The following ATP2B1 variants were observed in gnomAD, a reference collection of about 807,000 sequenced individuals.
ATP2B1 encodes ATPase plasma membrane Ca2+ transporting 1.
In ATP2B1, 14 loss-of-function variants were observed where a neutral mutation model predicts 124.2. The ratio of observed to expected loss-of-function variants is 0.11; its 90% CI spans 0.07 to 0.18. The LOEUF is 0.18. Among genes scored for constraint, ATP2B1 ranks in the 10% least tolerant of loss-of-function variants. The pLI is 1.00. For missense variants in ATP2B1, 763 were observed against 1,466.1 expected (o/e 0.52, Z 7.83); for synonymous variants, 449 against 492.4 (o/e 0.91, Z 1.17).
chr12:89,681,420 A>G (rs1200730643), intron 1 of ATP2B1, among the ~76,000 whole-genome samples: 1 of 146,002 alleles, frequency 6.8e-6, no homozygotes, highest in African/African-American at 2.5e-5. Context: ...TCACTCTGTC[A>G]CCCAGGCTGG....
chr12:89,605,035 T>C lies in ATP2B1; in HGVS notation c.2443-689A>G, dbSNP rs1876570859. ...ATTAATAAATTGTGGATTAATAAAATGAGTGAACTACAACTATATTAACAT... is the reference window on the plus strand; with the variant it reads ...ATTAATAAATTGTGGATTAATAAAACGAGTGAACTACAACTATATTAACAT... On this transcript the variant is annotated intron_variant, in intron 15 of 20. Transcript: ENST00000428670. Among the ~76,000 whole-genome samples the C allele has an allele frequency of 2.0e-5, 3 of 152,176 alleles. No individual in the cohort carries two copies. In the South Asian group the frequency reaches 6.2e-4, roughly 31 times the overall value.
chr12:89,661,234 T>C (rs1886658295), intron 1 of ATP2B1, among the ~76,000 whole-genome samples: 1 of 152,224 alleles, frequency 6.6e-6, no homozygotes, highest in Admixed American at 6.5e-5. Context: ...TATACTAATA[T>C]GATACCTTAA....
chr12:89,652,741 G>GT (rs11431123), intron 2 of ATP2B1, among the ~76,000 whole-genome samples: 23,605 of 151,960 alleles, frequency 0.16, 2,179 homozygotes, highest in South Asian at 0.36. Context: ...CTGCTGCTGT[G>GT]TTTTTTTTAT....
At chr12:89,591,418 G>A (rs972750669) in intron 20 of ATP2B1, 123 bp from the exon 21 acceptor site, 4 of 808,406 alleles carry the variant, frequency 4.9e-6, no homozygotes, top group Admixed American at 5.8e-5. Context: ...ATGTAATGCA[G>A]TGGAACTTGC....
At chr12:89,665,365 T>C (rs1429319336) in intron 1 of ATP2B1, among the ~76,000 whole-genome samples, 1 of 152,152 alleles carries the variant, frequency 6.6e-6, no homozygotes, top group Non-Finnish European at 1.5e-5. Context: ...TTTAAACACC[T>C]AAAAAAATTA....
intron 1 of ATP2B1, among the ~76,000 whole-genome samples, chr12:89,681,437 G>C (rs1169094507): frequency 6.8e-6 from 1 of 147,394 alleles, no homozygotes; most frequent in African/African-American, 2.5e-5. Flanking sequence ...CTGGAGTGCA[G>C]TGGCGTGATC....
At chr12:89,644,227 T>C (rs1006788200) in intron 2 of ATP2B1, among the ~76,000 whole-genome samples, 1 of 152,138 alleles carries the variant, frequency 6.6e-6, no homozygotes, top group African/African-American at 2.4e-5. Context: ...CTTCAATTTG[T>C]TTTTTTGGCA....
At position 89,655,894 on chromosome 12, in the gene ATP2B1, A is replaced by G; in HGVS notation, c.-8T>C. On this transcript the variant is annotated 5_prime_UTR_variant, in exon 2 of 21. Transcript: ENST00000428670. ...GTTTGCCATGTCGCCCATTACAAGT[A>G]TAATATATCAGAAGGAAAATGTTTC... 6.4e-7 allele frequency: 1 copy of G among 1,551,394 alleles called. No homozygotes were observed. Among genetic ancestry groups the G allele is most frequent in the Non-Finnish European group, 8.7e-7 (1 of 1,148,284 alleles).
chr12:89,636,191 G>C (rs1882672731), intron 3 of ATP2B1, among the ~76,000 whole-genome samples: 1 of 151,386 alleles, frequency 6.6e-6, no homozygotes, highest in African/African-American at 2.4e-5. Flanking sequence ...ACAAATGGCA[G>C]AATAGAGATC....
chr12:89,647,578 C>G (rs187402839), intron 2 of ATP2B1, among the ~76,000 whole-genome samples: 2 of 152,296 alleles, frequency 1.3e-5, no homozygotes, highest in South Asian at 4.1e-4. Flanking sequence ...TAACACACAG[C>G]ACATACTACA....
At chr12:89,688,029 G>A (rs1162477827) in intron 1 of ATP2B1, among the ~76,000 whole-genome samples, 1 of 152,028 alleles carries the variant, frequency 6.6e-6, no homozygotes, top group Non-Finnish European at 1.5e-5. Flanking sequence ...CAGGTGAGGA[G>A]AAGAAAATCA....
intron 1 of ATP2B1, among the ~76,000 whole-genome samples, chr12:89,697,186 C>A (rs1891238808): frequency 6.6e-6 from 1 of 151,928 alleles, no homozygotes; most frequent in Non-Finnish European, 1.5e-5. Context: ...AAATCATACA[C>A]CAGACTCTTA....
intron 1 of ATP2B1, among the ~76,000 whole-genome samples, chr12:89,681,059 A>G (rs1889292841): frequency 6.6e-6 from 1 of 152,222 alleles, no homozygotes; most frequent in Non-Finnish European, 1.5e-5. Context: ...CATCCAACTA[A>G]GAGCTAATCT....
chr12:89,609,656 T>C (rs1032418362), intron 15 of ATP2B1, among the ~76,000 whole-genome samples: 3 of 152,124 alleles, frequency 2.0e-5, no homozygotes, highest in Non-Finnish European at 4.4e-5. Flanking sequence ...AAAGGTTCAG[T>C]TGAGTTGACA....
intron 1 of ATP2B1, among the ~76,000 whole-genome samples, chr12:89,692,191 AACATGCT>A: frequency 6.6e-6 from 1 of 152,282 alleles, no homozygotes; most frequent in South Asian, 2.1e-4. Context: ...AAAAAAAAGC[AACATGCT>A]ACCATGATGT....
intron 1 of ATP2B1, among the ~76,000 whole-genome samples, chr12:89,699,504 A>G (rs1368346424): frequency 6.6e-6 from 1 of 152,160 alleles, no homozygotes; most frequent in Non-Finnish European, 1.5e-5. Context: ...GTTTGGGGGG[A>G]GCGGGTAACC....
At chr12:89,606,762 G>C (rs1876975853) in intron 15 of ATP2B1, among the ~76,000 whole-genome samples, 1 of 151,842 alleles carries the variant, frequency 6.6e-6, no homozygotes, top group South Asian at 2.1e-4. Context: ...GTAGAGACAG[G>C]ATTTTAATAT....
chr12:89,602,479 G>A (rs1245222665), intron 18 of ATP2B1, among the ~76,000 whole-genome samples: 1 of 151,522 alleles, frequency 6.6e-6, no homozygotes, highest in African/African-American at 2.4e-5. Context: ...TTCACTTCTC[G>A]GTTCCACTAT....
chr12:89,677,956 A>ATATATATATATG (rs1208617019), intron 1 of ATP2B1, among the ~76,000 whole-genome samples: 1,450 of 32,360 alleles, frequency 0.045, 148 homozygotes, highest in East Asian at 0.16. Flanking sequence ...TGCAGGAATT[A>ATATATATATATG]TATATATATA....
Sources: allele counts gnomAD v4.1 joint callset (sites outside exome capture counted in the v4.1 genomes callset), GRCh38; gene constraint gnomAD v4.1.1; transcripts MANE v1.5; gene names NCBI Gene and HGNC (gene_info 2026-07-23, HGNC 2026-07-21).